The following RAB3C variants were observed in gnomAD, a reference collection of about 807,000 sequenced individuals.
RAB3C encodes ras-related protein Rab-3C.
RAB3C carries 17 observed loss-of-function variants against 26.4 expected under a neutral mutation model. The observed-to-expected ratio is 0.64, with a 90% CI of 0.44 to 0.97. RAB3C has a LOEUF of 0.97. RAB3C is among the 50% of genes least tolerant of loss of function. The pLI is 0.00. For synonymous variants in RAB3C, 91 were observed against 95.9 expected (o/e 0.95, Z 0.30); for missense variants, 242 against 281.9 (o/e 0.86, Z 1.01).
chr5:58,695,765 A>G (rs971044337), intron 2 of RAB3C, among the ~76,000 whole-genome samples: 1 of 152,126 alleles, frequency 6.6e-6, no homozygotes, highest in Admixed American at 6.6e-5. Flanking sequence ...TTTTTTGCAC[A>G]TTGATTTTGT....
chr5:58,819,420 G>T (rs1289372313), intron 3 of RAB3C, among the ~76,000 whole-genome samples: 1 of 152,072 alleles, frequency 6.6e-6, no homozygotes, highest in African/African-American at 2.4e-5. Flanking sequence ...CATAACTGTG[G>T]GTCTTTCTCA....
Position 58,763,506 on chromosome 5 carries a change from T to C in RAB3C, c.371+37386T>C, listed in dbSNP as rs183125662. Among the ~76,000 whole-genome samples the C allele has an allele frequency of 1.2e-3, 185 of 152,340 alleles. 5 individuals carry two copies. In the East Asian group the frequency reaches 0.035, roughly 29 times the overall value. ...GGTCCCATTCAGAAATCAGTCTCCCTACACTGAGTGAGTAGATCTGGTTCT... is the reference window on the plus strand; with the variant it reads ...GGTCCCATTCAGAAATCAGTCTCCCCACACTGAGTGAGTAGATCTGGTTCT... On this transcript the variant is annotated intron_variant, in intron 3 of 4. Coordinates refer to ENST00000282878, the MANE Select transcript of RAB3C (RefSeq NM_138453.4).
chr5:58,728,455 C>T (rs1740935425), intron 3 of RAB3C, among the ~76,000 whole-genome samples: 1 of 152,028 alleles, frequency 6.6e-6, no homozygotes, highest in Non-Finnish European at 1.5e-5. Context: ...CCAAACCATT[C>T]ATTTAGGAGT....
chr5:58,845,498 A>G lies in RAB3C; in HGVS notation c.497-5666A>G, dbSNP rs545176145. Among the ~76,000 whole-genome samples, 3 of 151,442 alleles carry G rather than the reference A, an allele frequency of 2.0e-5. No homozygotes were observed. In the South Asian group the frequency reaches 6.3e-4, roughly 32 times the overall value. On this transcript the variant is annotated intron_variant, in intron 4 of 4. Transcript: ENST00000282878. ...CCATTTTGTGGTAGGGGATTCTGCC[A>G]GTCACCAGAATGGTTTCCCCAATCG... is the stretch of plus-strand genomic sequence containing the variant.
intron 3 of RAB3C, among the ~76,000 whole-genome samples, chr5:58,803,595 G>T (rs1218486322): frequency 2.0e-5 from 3 of 152,118 alleles, no homozygotes; most frequent in Admixed American, 2.0e-4. Context: ...AAATCATCCG[G>T]GACTTTGTTA....
At chr5:58,686,586 C>G (rs1043468263) in intron 2 of RAB3C, among the ~76,000 whole-genome samples, 1 of 151,832 alleles carries the variant, frequency 6.6e-6, no homozygotes, top group Non-Finnish European at 1.5e-5. Context: ...CTTGTGAGTC[C>G]TGTTGCTGTC....
At chr5:58,588,067 T>C (rs1015141652) in intron 1 of RAB3C, among the ~76,000 whole-genome samples, 2 of 152,208 alleles carry the variant, frequency 1.3e-5, no homozygotes, top group Non-Finnish European at 2.9e-5. Flanking sequence ...TATTATACTT[T>C]TAAAATCAAT....
intron 3 of RAB3C, among the ~76,000 whole-genome samples, chr5:58,809,324 T>C (rs960721507): frequency 5.9e-5 from 9 of 151,446 alleles, no homozygotes; most frequent in African/African-American, 2.2e-4. Context: ...AGAAGCCTCC[T>C]TGAAGGCACA....
chr5:58,813,903 T>A (rs1743156854), intron 3 of RAB3C, among the ~76,000 whole-genome samples: 1 of 152,128 alleles, frequency 6.6e-6, no homozygotes, highest in African/African-American at 2.4e-5. Context: ...TTCTTTCTAT[T>A]TGCAAGAACT....
intron 4 of RAB3C, among the ~76,000 whole-genome samples, chr5:58,844,524 G>A (rs1329853416): frequency 6.6e-6 from 1 of 152,190 alleles, no homozygotes; most frequent in East Asian, 1.9e-4. Context: ...AGTAGAGGAC[G>A]AGCTAATATG....
intron 1 of RAB3C, among the ~76,000 whole-genome samples, chr5:58,585,234 T>C (rs1200669889): frequency 2.0e-5 from 3 of 151,988 alleles, no homozygotes; most frequent in African/African-American, 7.2e-5. Flanking sequence ...TCCATTATTA[T>C]CAATTTTCAA....
rs1382703741 is a variant in RAB3C at position 58,857,610 on chromosome 5, C to A, written c.*6259C>A. ...TATGTATATTTTATTGTTACTCAAT[C>A]TTGTATTTTATTTACAAATTCAACA... On this transcript the variant is annotated 3_prime_UTR_variant, in exon 5 of 5. Transcript: ENST00000282878. 1.3e-5 allele frequency: 2 copies of A among 152,164 alleles called. No individual in the cohort carries two copies. The highest frequency in any genetic ancestry group is 2.9e-5 in the Non-Finnish European group (2 of 68,012). 9.4% of individuals were successfully genotyped at this position (152,164 alleles called of 1,614,324 possible).
At chr5:58,591,652 G>T (rs1746129723) in intron 1 of RAB3C, among the ~76,000 whole-genome samples, 1 of 149,554 alleles carries the variant, frequency 6.7e-6, no homozygotes, top group Non-Finnish European at 1.5e-5. Flanking sequence ...TATTTAAAGT[G>T]TGAATCTTGT....
intron 1 of RAB3C, among the ~76,000 whole-genome samples, chr5:58,612,034 C>G (rs1483724210): frequency 6.6e-6 from 1 of 151,856 alleles, no homozygotes; most frequent in Admixed American, 6.6e-5. Flanking sequence ...GAAGATCAGA[C>G]AGTTGTAGGT....
At chr5:58,833,828 C>T (rs1273408268) in intron 4 of RAB3C, among the ~76,000 whole-genome samples, 2 of 152,228 alleles carry the variant, frequency 1.3e-5, no homozygotes, top group Non-Finnish European at 2.9e-5. Flanking sequence ...TATTTAAATG[C>T]TTTGATAAGC....
At chr5:58,779,135 C>T (rs1189285781) in intron 3 of RAB3C, among the ~76,000 whole-genome samples, 2 of 151,808 alleles carry the variant, frequency 1.3e-5, no homozygotes, top group Non-Finnish European at 2.9e-5. Context: ...TAATGTCAGC[C>T]TCAAAAAGGA....
At chr5:58,784,205 C>T (rs763039444) in intron 3 of RAB3C, among the ~76,000 whole-genome samples, 2 of 152,128 alleles carry the variant, frequency 1.3e-5, no homozygotes, top group Non-Finnish European at 2.9e-5. Flanking sequence ...TAGTCCTCCA[C>T]ATTTTCATTT....
chr5:58,805,996 T>C (rs1050220778), intron 3 of RAB3C, among the ~76,000 whole-genome samples: 1 of 152,136 alleles, frequency 6.6e-6, no homozygotes, highest in Non-Finnish European at 1.5e-5. Flanking sequence ...AGCATTCTGA[T>C]GGGTAGACAG....
At position 58,821,478 on chromosome 5, in the gene RAB3C, C is replaced by G. The variant is rs540188055; in HGVS notation, c.372-3560C>G. Among the ~76,000 whole-genome samples, 125 of 152,256 alleles carry G rather than the reference C, an allele frequency of 8.2e-4. 1 individual carries two copies. Among genetic ancestry groups the G allele is most frequent in the African/African-American group, 2.7e-3 (114 of 41,556 alleles). On this transcript the variant is annotated intron_variant, in intron 3 of 4. Transcript: ENST00000282878. ...CCAAGAGTGGAATTTATTTTACACC[C>G]TAATTCATTATGAATGCATCATTTT... is the stretch of plus-strand genomic sequence containing the variant.
Sources: allele counts gnomAD v4.1 joint callset (sites outside exome capture counted in the v4.1 genomes callset), GRCh38; gene constraint gnomAD v4.1.1; transcripts MANE v1.5; gene names NCBI Gene and HGNC (gene_info 2026-07-23, HGNC 2026-07-21).